ALDH1A1: variants seen among roughly 807,000 people sequenced by gnomAD.
ALDH1A1 encodes the protein aldehyde dehydrogenase 1 family member A1, also known as aldehyde dehydrogenase 1A1.
ALDH1A1 carries 19 observed loss-of-function variants against 62.1 expected under a neutral mutation model. The ratio of observed to expected loss-of-function variants is 0.31; its 90% CI spans 0.21 to 0.45. The LOEUF (loss-of-function observed/expected upper bound fraction) is 0.45, where lower values mean the gene tolerates loss of function less well. ALDH1A1 is among the 20% of genes least tolerant of loss of function. The pLI is 1.00. For synonymous variants in ALDH1A1, 231 were observed against 215.9 expected (o/e 1.07, Z -0.61); for missense variants, 521 against 607.1 (o/e 0.86, Z 1.49).
intron 9 of ALDH1A1, among the ~76,000 whole-genome samples, chr9:72,916,623 A>G (rs139343810): frequency 6.6e-5 from 10 of 152,306 alleles, no homozygotes; most frequent in Non-Finnish European, 1.0e-4. Flanking sequence ...TATAGGAATC[A>G]AGAGGTGTGC....
At chr9:72,922,734 T>A (rs1486787859) in intron 7 of ALDH1A1, among the ~76,000 whole-genome samples, 1 of 152,186 alleles carries the variant, frequency 6.6e-6, no homozygotes, top group Non-Finnish European at 1.5e-5. Context: ...TCACCTTTAT[T>A]CCTCTGGTAT....
intron 1 of ALDH1A1, among the ~76,000 whole-genome samples, chr9:72,941,278 T>C (rs186561942): frequency 4.7e-4 from 72 of 152,286 alleles, no homozygotes; most frequent in African/African-American, 1.7e-3. Flanking sequence ...AGGGAGAATG[T>C]AATGAAACAC....
chr9:72,906,825 T>C (rs1428017834), intron 11 of ALDH1A1, among the ~76,000 whole-genome samples: 1 of 152,190 alleles, frequency 6.6e-6, no homozygotes, highest in Non-Finnish European at 1.5e-5. Context: ...TTTATGTTTA[T>C]ACTTTTCTCT....
intron 11 of ALDH1A1, among the ~76,000 whole-genome samples, chr9:72,908,940 C>T (rs1588131016): frequency 6.6e-6 from 1 of 152,020 alleles, no homozygotes; most frequent in East Asian, 1.9e-4. Context: ...AGTAAGAAGG[C>T]CGATATAAGA....
chr9:72,923,790 A>G (rs1358774910), intron 7 of ALDH1A1: 2 of 321,096 alleles, frequency 6.2e-6, no homozygotes, highest in Non-Finnish European at 1.1e-5. Context: ...GAAAGTAATG[A>G]ACATACTAAA....
rs1248889206 is a variant in ALDH1A1 at position 72,947,469 on chromosome 9, A to G, written c.66+5466T>C. On this transcript the variant is annotated intron_variant, in intron 1 of 12. Transcript: ENST00000297785. ...GACTGTTAAGAACACAGAATCTCAG[A>G]CTTCAGCCTAGATCTATTCTTTCAA... Among the ~76,000 whole-genome samples the G allele has an allele frequency of 3.3e-5, 5 of 152,042 alleles. 1 individual carries two copies. Among genetic ancestry groups the G allele is most frequent in the Non-Finnish European group, 1.5e-5 (1 of 67,958 alleles).
In ALDH1A1 at chr9:72,911,886, G is replaced by A. The variant is rs1829994644; in HGVS notation, c.1200+72C>T. 4 of 1,541,446 alleles carry A rather than the reference G, an allele frequency of 2.6e-6. No homozygotes were observed. In the South Asian group the frequency reaches 3.4e-5, roughly 13 times the overall value. The stretch of plus-strand genomic sequence containing the variant: ...GTTCCAAAGAGCTGGGAATTTTAAA[G>A]TGACACTTTGTATACACACAAACAG... On this transcript the variant is annotated intron_variant, in intron 10 of 12. Coordinates refer to ENST00000297785, the MANE Select transcript of ALDH1A1 (RefSeq NM_000689.5).
chr9:72,909,804 A>G (rs765923219), intron 10 of ALDH1A1, 45 bp from the exon 11 acceptor site: 3 of 1,458,144 alleles, frequency 2.1e-6, no homozygotes, highest in South Asian at 2.5e-5. Context: ...GGTTAAAATG[A>G]AATATTTTAA....
At chr9:72,911,680 T>C (rs759296304) in intron 10 of ALDH1A1, among the ~76,000 whole-genome samples, 48 of 152,188 alleles carry the variant, frequency 3.2e-4, no homozygotes, top group Admixed American at 2.6e-4. Flanking sequence ...AATGACAGGA[T>C]TCTTTTCCAT....
chr9:72,916,962 G>GAT lies in ALDH1A1; in HGVS notation c.991_992dup (p.Leu332SerfsTer6), dbSNP rs1343478293. On this transcript the variant is annotated frameshift_variant, in exon 9 of 13. Coordinates refer to ENST00000297785, the MANE Select transcript of ALDH1A1 (RefSeq NM_000689.5). LOFTEE classifies it high-confidence loss of function. ...CTCCTGGGGTCAGAGGATTTCCAAG[G>GAT]ATATACTTCTTAGCCCGCTCAACAC... 1 of 1,613,054 alleles carries GAT rather than the reference G, an allele frequency of 6.2e-7. No individual in the cohort carries two copies. The highest frequency in any genetic ancestry group is 2.2e-5 in the East Asian group (1 of 44,796).
chr9:72,949,658 T>C (rs974249119), intron 1 of ALDH1A1, among the ~76,000 whole-genome samples: 11 of 144,868 alleles, frequency 7.6e-5, no homozygotes, highest in Admixed American at 6.1e-4. Context: ...TGTGTGTGTG[T>C]GTGTGCGTGT....
chr9:72,914,853 C>T (rs563548724), intron 9 of ALDH1A1, among the ~76,000 whole-genome samples: 4 of 151,748 alleles, frequency 2.6e-5, no homozygotes, highest in Non-Finnish European at 4.4e-5. Flanking sequence ...TTTTCTATAA[C>T]CTTTTTGATG....
chr9:72,945,531 ATAG>A (rs1257183814), intron 1 of ALDH1A1, among the ~76,000 whole-genome samples: 2 of 151,976 alleles, frequency 1.3e-5, no homozygotes, highest in Non-Finnish European at 2.9e-5. Flanking sequence ...GAGTCACAGC[ATAG>A]GCTGCATGGG....
intron 10 of ALDH1A1, among the ~76,000 whole-genome samples, chr9:72,910,703 T>C (rs1435422814): frequency 6.6e-6 from 1 of 152,156 alleles, no homozygotes; most frequent in Non-Finnish European, 1.5e-5. Context: ...CTGGGAAATC[T>C]GAATGAAGGA....
intron 2 of ALDH1A1, among the ~76,000 whole-genome samples, chr9:72,932,164 G>A (rs561968717): frequency 2.0e-5 from 3 of 152,156 alleles, no homozygotes; most frequent in Admixed American, 6.5e-5. Flanking sequence ...ACATGGAATT[G>A]TATAGCTCCA....
intron 7 of ALDH1A1, among the ~76,000 whole-genome samples, chr9:72,923,302 A>C (rs1830164871): frequency 6.6e-6 from 1 of 152,218 alleles, no homozygotes; most frequent in African/African-American, 2.4e-5. Flanking sequence ...CCAATGAATA[A>C]CATTTTTGCA....
intron 8 of ALDH1A1, among the ~76,000 whole-genome samples, chr9:72,918,405 A>G (rs1314245632): frequency 6.6e-6 from 1 of 152,194 alleles, no homozygotes; most frequent in African/African-American, 2.4e-5. Flanking sequence ...TGAAATGCTA[A>G]TAATCACAGA....
rs977191111 is a variant in ALDH1A1, at chr9:72,951,509, TA to T, written c.66+1425del. Among the ~76,000 whole-genome samples, 796 of 149,478 alleles carry T rather than the reference TA, an allele frequency of 5.3e-3. 1 individual carries two copies. The highest frequency in any genetic ancestry group is 8.6e-3 in the Admixed American group (129 of 14,932). ...AAAATATCTTCCTAGGTAGTATTAT[TA>T]AAAAAAAAATCCCATTAATAATAGT... is the stretch of plus-strand genomic sequence containing the variant. On this transcript the variant is annotated intron_variant, in intron 1 of 12. Transcript: ENST00000297785.
chr9:72,921,510 T>C (rs1305965651), intron 7 of ALDH1A1, among the ~76,000 whole-genome samples: 5 of 150,328 alleles, frequency 3.3e-5, no homozygotes. Flanking sequence ...ATTCTTTTTT[T>C]TTTTTTTTTT....
Sources: allele counts gnomAD v4.1 joint callset (sites outside exome capture counted in the v4.1 genomes callset), GRCh38; gene constraint gnomAD v4.1.1; transcripts MANE v1.5; gene names NCBI Gene and HGNC (gene_info 2026-07-23, HGNC 2026-07-21).